VPS8: variants seen among roughly 807,000 people sequenced by gnomAD.
The protein encoded by VPS8 is VPS8 subunit of CORVET complex, also known as vacuolar protein sorting-associated protein 8 homolog.
Under a neutral mutation model 216.4 loss-of-function variants are expected in VPS8, and 129 were observed. That is an observed-to-expected ratio of 0.60 (90% confidence interval 0.52 to 0.69). The LOEUF (loss-of-function observed/expected upper bound fraction) is 0.69, where lower values mean the gene tolerates loss of function less well. VPS8 is among the 30% of genes least tolerant of loss of function. The pLI is 0.00. For synonymous variants in VPS8, 571 were observed against 565.4 expected (o/e 1.01, Z -0.14); for missense variants, 1,531 against 1,683.5 (o/e 0.91, Z 1.59).
intron 25 of VPS8, among the ~76,000 whole-genome samples, chr3:184,910,305 C>T (rs1334855265): frequency 1.3e-5 from 2 of 152,036 alleles, no homozygotes; most frequent in East Asian, 1.9e-4. Flanking sequence ...CTTAACTTCA[C>T]GTTTCCCTTG....
At chr3:184,919,519 G>A (rs1234206100) in intron 28 of VPS8, among the ~76,000 whole-genome samples, 1 of 151,992 alleles carries the variant, frequency 6.6e-6, no homozygotes, top group African/African-American at 2.4e-5. Context: ...AATTTATTTT[G>A]ATGCATGTTA....
chr3:185,015,080 G>T (rs1444351053), intron 45 of VPS8, among the ~76,000 whole-genome samples: 1 of 152,210 alleles, frequency 6.6e-6, no homozygotes, highest in Non-Finnish European at 1.5e-5. Flanking sequence ...CTCTTTTACT[G>T]TAAAAGATGA....
chr3:184,935,726 A>G (rs1424125650), intron 34 of VPS8, among the ~76,000 whole-genome samples: 1 of 152,238 alleles, frequency 6.6e-6, no homozygotes, highest in African/African-American at 2.4e-5. Flanking sequence ...TTTATTAACA[A>G]TGTTTAATTA....
intron 32 of VPS8, among the ~76,000 whole-genome samples, 198 bp downstream of exon 32, chr3:184,928,731 G>A (rs902203289): frequency 1.4e-4 from 22 of 152,084 alleles, no homozygotes; most frequent in African/African-American, 5.1e-4. Context: ...AATTGATAGG[G>A]CAGATATGAA....
intron 40 of VPS8, among the ~76,000 whole-genome samples, chr3:184,979,555 CTTTA>C (rs1749846044): frequency 6.6e-6 from 1 of 152,036 alleles, no homozygotes; most frequent in African/African-American, 2.4e-5. Context: ...TATTTAATAC[CTTTA>C]TTTGTCTTTT....
intron 45 of VPS8, among the ~76,000 whole-genome samples, chr3:185,018,051 T>C (rs6444016): frequency 0.96 from 146,119 of 152,212 alleles, 70,430 homozygotes; most frequent in East Asian, 1. Flanking sequence ...CTCCAGGAAA[T>C]GGAGTATTTC....
chr3:184,996,818 G>A (rs892318666), intron 44 of VPS8, among the ~76,000 whole-genome samples: 1 of 152,222 alleles, frequency 6.6e-6, no homozygotes, highest in Non-Finnish European at 1.5e-5. Context: ...ACGAGAGAGG[G>A]AGGAGCAAAG....
rs1731169579 is a variant in VPS8 at position 184,886,113 on chromosome 3, A to G, written c.1738A>G (p.Met580Val). 4 of 1,609,160 alleles carry G rather than the reference A, an allele frequency of 2.5e-6. No homozygotes were observed. Among genetic ancestry groups the G allele is most frequent in the South Asian group, 1.1e-5 (1 of 89,664 alleles). Residue 580 changes from methionine (M) to valine (V), a missense_variant, in exon 22 of 48, where the codon ATG becomes GTG. Physicochemically the swap from Met to Val is conservative, Grantham distance 21. Transcript: ENST00000625842. ...TTTCTTTATGGTTCCTCTACAGGATATGGTGCCTGTCATAGTTGATTACTG... is the reference window on the plus strand; with the variant it reads ...TTTCTTTATGGTTCCTCTACAGGATGTGGTGCCTGTCATAGTTGATTACTG... ...IQVMEQHFQDMVPVIVDYCLL... is the reference protein window; with the variant it reads ...IQVMEQHFQDVVPVIVDYCLL...
chr3:184,884,633 CT>C (rs1730882649), intron 21 of VPS8, among the ~76,000 whole-genome samples: 1 of 151,176 alleles, frequency 6.6e-6, no homozygotes, highest in Non-Finnish European at 1.5e-5. Context: ...TTTTTTTTTT[CT>C]AATTTCCTTT....
At chr3:184,950,534 G>T (rs553339726) in intron 36 of VPS8, among the ~76,000 whole-genome samples, 4 of 151,768 alleles carry the variant, frequency 2.6e-5, no homozygotes, top group Admixed American at 1.3e-4. Flanking sequence ...AAATTCCAAC[G>T]CAATGTTTAT....
At chr3:185,006,408 C>A (rs577563077) in intron 45 of VPS8, among the ~76,000 whole-genome samples, 1 of 152,070 alleles carries the variant, frequency 6.6e-6, no homozygotes. Context: ...GTTTGTAAGA[C>A]CATCATCACC....
chr3:184,860,266 C>G (rs553603961), intron 15 of VPS8, among the ~76,000 whole-genome samples: 1 of 151,488 alleles, frequency 6.6e-6, no homozygotes, highest in Non-Finnish European at 1.5e-5. Context: ...CCCAGGAGTT[C>G]GAGGCTGTAG....
At chr3:184,848,561 ATTCTTT>A (rs1188735116) in intron 8 of VPS8, among the ~76,000 whole-genome samples, 9 of 90,518 alleles carry the variant, frequency 9.9e-5, no homozygotes, top group African/African-American at 3.8e-4. Flanking sequence ...TTTTTCCTGT[ATTCTTT>A]TTTTTTTTTT....
chr3:184,903,785 T>G (rs978792965), intron 25 of VPS8, among the ~76,000 whole-genome samples: 1 of 152,158 alleles, frequency 6.6e-6, no homozygotes, highest in Non-Finnish European at 1.5e-5. Flanking sequence ...TCCCCTTTTC[T>G]GCAGAAAAGG....
At chr3:184,878,915 T>C (rs182624221) in intron 21 of VPS8, among the ~76,000 whole-genome samples, 198 of 152,304 alleles carry the variant, frequency 1.3e-3, no homozygotes, top group African/African-American at 4.5e-3. Flanking sequence ...TAGATAGATA[T>C]GTTTATCTGT....
intron 38 of VPS8, among the ~76,000 whole-genome samples, chr3:184,965,617 G>A (rs192189957): frequency 4.6e-5 from 7 of 152,302 alleles, no homozygotes; most frequent in South Asian, 2.1e-4. Flanking sequence ...TGTTGGACAC[G>A]CTAAAGAATT....
chr3:185,014,977 A>G (rs1050612748), intron 45 of VPS8, among the ~76,000 whole-genome samples: 1 of 152,238 alleles, frequency 6.6e-6, no homozygotes, highest in African/African-American at 2.4e-5. Context: ...GTGTCCACAC[A>G]TACATGTACA....
At chr3:185,029,987 T>C (rs1757894631) in intron 46 of VPS8, among the ~76,000 whole-genome samples, 1 of 152,258 alleles carries the variant, frequency 6.6e-6, no homozygotes, top group African/African-American at 2.4e-5. Context: ...TTCTTCTTAG[T>C]GGGCTCTAAT....
intron 45 of VPS8, among the ~76,000 whole-genome samples, chr3:185,016,478 A>G (rs1392738079): frequency 2.0e-5 from 3 of 152,234 alleles, no homozygotes; most frequent in Non-Finnish European, 4.4e-5. Context: ...ACTGTTTAAC[A>G]TGCCTTGTAG....
Sources: gnomAD v4.1 joint callset for allele counts (sites outside exome capture counted in the v4.1 genomes callset) on GRCh38, gnomAD v4.1.1 for gene constraint, MANE v1.5 for transcripts, NCBI Gene and HGNC (gene_info 2026-07-23, HGNC 2026-07-21) for gene names.